Variants in KCNK2 observed in about 807,000 individuals in gnomAD.
KCNK2 encodes the protein potassium two pore domain channel subfamily K member 2.
KCNK2 carries 21 observed loss-of-function variants against 40.5 expected under a neutral mutation model. The observed-to-expected ratio is 0.52, with a 90% CI of 0.37 to 0.75. KCNK2 has a LOEUF of 0.75. Ranked by LOEUF, KCNK2 falls within the 30% of genes least tolerant of loss-of-function variation. The pLI is 0.00. For synonymous variants in KCNK2, 191 were observed against 202.2 expected (o/e 0.94, Z 0.47); for missense variants, 399 against 531.6 (o/e 0.75, Z 2.45).
At chr1:215,115,023 GTGTGT>G (rs1159718227) in intron 2 of KCNK2, among the ~76,000 whole-genome samples, 2,683 of 149,246 alleles carry the variant, frequency 0.018, 80 homozygotes, top group African/African-American at 0.063. Flanking sequence ...GTGTGTGTGT[GTGTGT>G]ACAAAGCTTG....
chr1:215,222,190 C>T (rs1666206769), intron 6 of KCNK2, among the ~76,000 whole-genome samples: 1 of 152,194 alleles, frequency 6.6e-6, no homozygotes. Flanking sequence ...CTCCATCCAG[C>T]ATTGGGGATT....
chr1:215,024,785 G>T (rs12087419), intron 1 of KCNK2, among the ~76,000 whole-genome samples: 2 of 151,752 alleles, frequency 1.3e-5, no homozygotes, highest in Non-Finnish European at 2.9e-5. Context: ...ATGTTTTAGC[G>T]GTATATAAAA....
chr1:215,195,919 C>G (rs1298675837), intron 6 of KCNK2, among the ~76,000 whole-genome samples: 2 of 152,084 alleles, frequency 1.3e-5, no homozygotes, highest in African/African-American at 4.8e-5. Context: ...TACCCATTGC[C>G]TTCGTTTAAC....
At chr1:215,063,075 G>A (rs573382713) in intron 1 of KCNK2, among the ~76,000 whole-genome samples, 14 of 152,310 alleles carry the variant, frequency 9.2e-5, no homozygotes, top group Non-Finnish European at 2.1e-4. Context: ...TTGAGTGGAA[G>A]TTAGCCTGAT....
At chr1:215,204,037 C>CAAAAAA (rs71167813) in intron 6 of KCNK2, among the ~76,000 whole-genome samples, 5 of 53,180 alleles carry the variant, frequency 9.4e-5, no homozygotes, top group African/African-American at 2.2e-4. Context: ...GACTCCGTCT[C>CAAAAAA]AAAAAAAAAA....
chr1:215,124,737 T>A lies in KCNK2; in HGVS notation c.462T>A (p.Val154=), dbSNP rs778186970. The A allele has an allele frequency of 4.5e-5, 72 of 1,590,416 alleles. No individual in the cohort carries two copies. In the Admixed American group the frequency reaches 1.2e-3, roughly 26 times the overall value. The stretch of plus-strand genomic sequence containing the variant: ...GTTCCTTCTTCTTTGCTGGCACTGT[T>A]ATTACAACCATAGGTAGGAGACAAC... The part of the protein sequence containing the change: ...LGSSFFFAGT[V]ITTIGFGNIS... Residue 154 remains valine (V), a synonymous_variant, in exon 3 of 7, where the codon GTT becomes GTA. Coordinates refer to ENST00000444842, the MANE Select transcript of KCNK2 (RefSeq NM_001017425.3).
chr1:215,038,902 G>T (rs1013147773), intron 1 of KCNK2, among the ~76,000 whole-genome samples: 1 of 151,382 alleles, frequency 6.6e-6, no homozygotes, highest in Admixed American at 6.6e-5. Flanking sequence ...TCTTAAGATG[G>T]TTTATCAATA....
intron 6 of KCNK2, among the ~76,000 whole-genome samples, chr1:215,230,525 ATATATATG>A (rs1312550292): frequency 0.038 from 3,798 of 100,010 alleles, 198 homozygotes; most frequent in African/African-American, 0.1. Context: ...ATATATATAT[ATATATATG>A]TATATATATA....
At chr1:215,102,790 A>G (rs1660278271) in intron 2 of KCNK2, among the ~76,000 whole-genome samples, 1 of 152,004 alleles carries the variant, frequency 6.6e-6, no homozygotes, top group Admixed American at 6.6e-5. Context: ...TTACAGTAAC[A>G]TGCTGTACAG....
chr1:215,223,241 T>TAAAAAAAAAAAAAAAAAAA (rs56890763), intron 6 of KCNK2, among the ~76,000 whole-genome samples: 2 of 112,054 alleles, frequency 1.8e-5, no homozygotes, highest in Admixed American at 9.7e-5. Context: ...AGCTCTTTTC[T>TAAAAAAAAAAAAAAAAAAA]AAAAAAAAAA....
At chr1:215,171,370 A>G (rs974132849) in intron 4 of KCNK2, among the ~76,000 whole-genome samples, 1 of 152,124 alleles carries the variant, frequency 6.6e-6, no homozygotes, top group Non-Finnish European at 1.5e-5. Context: ...ACAATTTAGT[A>G]TCATAGAACA....
In KCNK2 at chr1:215,235,509, G is replaced by T. The variant is rs1172389071; in HGVS notation, c.*364G>T. The T allele has an allele frequency of 5.6e-6, 1 of 179,784 alleles. No individual in the cohort carries two copies. Among genetic ancestry groups the T allele is most frequent in the Non-Finnish European group, 1.2e-5 (1 of 85,660 alleles). 11.1% of individuals were successfully genotyped at this position (179,784 alleles called of 1,614,324 possible). A position where few individuals can be genotyped will look rare whatever the true frequency, so the allele number is the denominator to read the frequency against. On this transcript the variant is annotated 3_prime_UTR_variant, in exon 7 of 7. Coordinates refer to ENST00000444842, the MANE Select transcript of KCNK2 (RefSeq NM_001017425.3). ...AGGGATCAGTTCTTAACTTTTCAGGGTCTACCTAACTGAGCCTAGATATGG... is the reference window on the plus strand; with the variant it reads ...AGGGATCAGTTCTTAACTTTTCAGGTTCTACCTAACTGAGCCTAGATATGG...
intron 1 of KCNK2, among the ~76,000 whole-genome samples, chr1:215,061,921 C>T (rs992363595): frequency 6.6e-6 from 1 of 151,958 alleles, no homozygotes; most frequent in Non-Finnish European, 1.5e-5. Context: ...TAGTGGATTT[C>T]ATTTGTTTTA....
chr1:215,054,504 A>G (rs139818536), intron 1 of KCNK2, among the ~76,000 whole-genome samples: 105 of 152,324 alleles, frequency 6.9e-4, no homozygotes, highest in African/African-American at 2.3e-3. Flanking sequence ...CACATATACC[A>G]GATGCATGTT....
chr1:215,209,214 C>T lies in KCNK2; in HGVS notation c.963+14122C>T, dbSNP rs183195720. 4.0e-4 allele frequency among the ~76,000 whole-genome samples: 52 copies of T among 130,506 alleles called. 1 individual carries two copies. The East Asian group carries it at 0.011, about 27-fold the overall frequency. The allele number at this position is 130,506 out of a possible 152,430, so 85.6% of individuals were successfully genotyped here. ...TAAATATATATATATAAAATATACA[C>T]ATATTTTTATATATAAAATATATAT... On this transcript the variant is annotated intron_variant, in intron 6 of 6. Transcript: ENST00000444842.
At chr1:215,169,775 A>C (rs1340615515) in intron 4 of KCNK2, among the ~76,000 whole-genome samples, 1 of 151,830 alleles carries the variant, frequency 6.6e-6, no homozygotes, top group Non-Finnish European at 1.5e-5. Flanking sequence ...CCTCCTGAGT[A>C]GCTGGAATTA....
rs1290042996 is a variant in KCNK2 at position 215,093,480 on chromosome 1, CATATA to C, written c.357+6808_357+6812del. On this transcript the variant is annotated intron_variant, in intron 2 of 6. Coordinates refer to ENST00000444842, the MANE Select transcript of KCNK2 (RefSeq NM_001017425.3). ...TAATATATAATGTACATATAATATA[CATATA>C]ATATATGTTATATATTATATATAAA... Among the ~76,000 whole-genome samples, 467 of 88,294 alleles carry C rather than the reference CATATA, an allele frequency of 5.3e-3. 19 individuals carry two copies. The Admixed American group carries it at 0.07, about 13-fold the overall frequency. The allele number at this position is 88,294 out of a possible 152,430, so 57.9% of individuals were successfully genotyped here.
intron 6 of KCNK2, among the ~76,000 whole-genome samples, chr1:215,230,151 T>C (rs549701447): frequency 5.7e-4 from 83 of 144,466 alleles, no homozygotes; most frequent in South Asian, 5.2e-3. Context: ...TGCTTAAAGA[T>C]GGAGCTATGT....
chr1:215,059,893 T>C (rs1048693315), intron 1 of KCNK2, among the ~76,000 whole-genome samples: 14 of 152,106 alleles, frequency 9.2e-5, no homozygotes, highest in African/African-American at 3.4e-4. Flanking sequence ...ATGGCTGACG[T>C]TCTGTGGCAT....
Sources: gnomAD v4.1 joint callset for allele counts (sites outside exome capture counted in the v4.1 genomes callset) on GRCh38, gnomAD v4.1.1 for gene constraint, MANE v1.5 for transcripts, NCBI Gene and HGNC (gene_info 2026-07-23, HGNC 2026-07-21) for gene names.